The following DGKB variants were observed in gnomAD, a reference collection of about 807,000 sequenced individuals.
DGKB encodes the protein diacylglycerol kinase beta.
A neutral mutation model predicts 114.3 loss-of-function variants in DGKB; 67 were observed. The observed-to-expected ratio is 0.59, with a 90% CI of 0.48 to 0.72. The LOEUF (loss-of-function observed/expected upper bound fraction) is 0.72. Ranked by LOEUF, DGKB falls within the 30% of genes least tolerant of loss-of-function variation. The pLI is 0.00. For missense variants in DGKB, 907 were observed against 975.2 expected (o/e 0.93, Z 0.93); for synonymous variants, 398 against 323.1 (o/e 1.23, Z -2.49).
intron 2 of DGKB, among the ~76,000 whole-genome samples, chr7:14,802,624 C>T (rs1024152736): frequency 6.6e-6 from 1 of 152,026 alleles, no homozygotes; most frequent in Non-Finnish European, 1.5e-5. Flanking sequence ...AGAAATATTT[C>T]AAATATACAG....
chr7:14,789,401 T>C (rs1200111342), intron 2 of DGKB, among the ~76,000 whole-genome samples: 2 of 152,156 alleles, frequency 1.3e-5, no homozygotes, highest in African/African-American at 4.8e-5. Flanking sequence ...TGTGCATCCA[T>C]GTTGTTGCAT....
Position 14,823,184 on chromosome 7 carries a change from T to C in DGKB, c.70+18010A>G, listed in dbSNP as rs576165999. ...CAGTGAGATTTCTATATAAAATAAA[T>C]TAGGTAGGGTATACAATTAGGCAAA... On this transcript the variant is annotated intron_variant, in intron 2 of 25. Coordinates refer to ENST00000402815, the MANE Select transcript of DGKB (RefSeq NM_001350709.2). 2.2e-4 allele frequency among the ~76,000 whole-genome samples: 33 copies of C among 151,806 alleles called. No homozygotes were observed. In the South Asian group the frequency reaches 6.5e-3, roughly 30 times the overall value.
In DGKB at chr7:14,665,081, A is replaced by C. The variant is rs536122034; in HGVS notation, c.1134+7848T>G. On this transcript the variant is annotated intron_variant, in intron 13 of 25. Transcript: ENST00000402815. ...TTATGTATCATACAACTTCAACTTT[A>C]AATAATCAGCATATTAACACTATGT... Among the ~76,000 whole-genome samples the C allele has an allele frequency of 1.1e-4, 17 of 152,138 alleles. No individual in the cohort carries two copies. In the East Asian group the frequency reaches 3.3e-3, roughly 29 times the overall value.
chr7:14,814,547 A>G (rs1010464439), intron 2 of DGKB, among the ~76,000 whole-genome samples: 4 of 152,218 alleles, frequency 2.6e-5, no homozygotes, highest in Non-Finnish European at 5.9e-5. Flanking sequence ...AAAAATGAGT[A>G]ATCTTCAAGA....
intron 2 of DGKB, among the ~76,000 whole-genome samples, chr7:14,775,619 T>C (rs1838049347): frequency 6.6e-6 from 1 of 151,822 alleles, no homozygotes; most frequent in Non-Finnish European, 1.5e-5. Context: ...TGAGACCTGG[T>C]GGTTTTATAA....
rs552863977 is a variant in DGKB at position 14,676,935 on chromosome 7, C to A, written c.1036-3908G>T. Among the ~76,000 whole-genome samples the A allele has an allele frequency of 7.0e-4, 106 of 151,764 alleles. 1 individual carries two copies. The highest frequency in any genetic ancestry group is 2.4e-3 in the African/African-American group (99 of 41,388). On this transcript the variant is annotated intron_variant, in intron 12 of 25. Transcript: ENST00000402815. ...CAAGCCAAGGCATAGAAATCCTTAGCTCATTTTTAAATATACATCCAGAAA... is the reference window on the plus strand; with the variant it reads ...CAAGCCAAGGCATAGAAATCCTTAGATCATTTTTAAATATACATCCAGAAA...
intron 21 of DGKB, among the ~76,000 whole-genome samples, chr7:14,366,604 A>T (rs1314967719): frequency 2.0e-5 from 3 of 152,074 alleles, no homozygotes. Context: ...AATACATGAC[A>T]AAAAAATTGA....
intron 8 of DGKB, among the ~76,000 whole-genome samples, chr7:14,695,978 C>A (rs1328371272): frequency 1.3e-5 from 2 of 152,118 alleles, no homozygotes; most frequent in Admixed American, 6.5e-5. Flanking sequence ...GCAGACTTAT[C>A]AGTAACACAC....
intron 20 of DGKB, among the ~76,000 whole-genome samples, chr7:14,515,830 A>G (rs1788701943): frequency 6.6e-6 from 1 of 152,152 alleles, no homozygotes; most frequent in Non-Finnish European, 1.5e-5. Context: ...CCAAATTGCT[A>G]CTTTAGAAGA....
intron 20 of DGKB, among the ~76,000 whole-genome samples, chr7:14,550,575 C>A (rs1403654662): frequency 1.6e-4 from 25 of 152,212 alleles, no homozygotes; most frequent in Non-Finnish European, 8.8e-5. Flanking sequence ...TTAAAAATTT[C>A]TTTATGTCAC....
chr7:14,775,594 G>A (rs1229004378), intron 2 of DGKB, among the ~76,000 whole-genome samples: 1 of 151,960 alleles, frequency 6.6e-6, no homozygotes, highest in Non-Finnish European at 1.5e-5. Flanking sequence ...TTTTGTGATA[G>A]TGGGTGAGTT....
At chr7:14,885,800 G>T (rs563781204) in intron 1 of DGKB, among the ~76,000 whole-genome samples, 2 of 151,898 alleles carry the variant, frequency 1.3e-5, no homozygotes, top group South Asian at 4.2e-4. Context: ...ATGATTTAAT[G>T]AAAACCAGAC....
intron 20 of DGKB, among the ~76,000 whole-genome samples, chr7:14,535,210 A>G (rs543056771): frequency 2.0e-5 from 3 of 152,150 alleles, no homozygotes; most frequent in Admixed American, 1.3e-4. Context: ...TCAACAAAAA[A>G]ACAAAATAAT....
intron 21 of DGKB, among the ~76,000 whole-genome samples, chr7:14,438,526 C>A (rs1016679046): frequency 6.6e-6 from 1 of 152,102 alleles, no homozygotes; most frequent in African/African-American, 2.4e-5. Context: ...AGCCCCTATA[C>A]AGTTAACACA....
chr7:14,261,992 G>A (rs747013157), intron 23 of DGKB, among the ~76,000 whole-genome samples: 42 of 152,142 alleles, frequency 2.8e-4, no homozygotes, highest in Non-Finnish European at 5.4e-4. Context: ...TGTGCTATAC[G>A]CACTGCAGAA....
At chr7:14,689,196 C>CTTATTTTTTTTT (rs1822287391) in intron 9 of DGKB, among the ~76,000 whole-genome samples, 1 of 80,300 alleles carries the variant, frequency 1.2e-5, no homozygotes, top group African/African-American at 4.9e-5. Context: ...AGAAACTCCT[C>CTTATTTTTTTTT]TTATTTTTTT....
At chr7:14,691,460 A>C (rs1822850320) in intron 9 of DGKB, among the ~76,000 whole-genome samples, 1 of 152,190 alleles carries the variant, frequency 6.6e-6, no homozygotes, top group African/African-American at 2.4e-5. Flanking sequence ...ACAGGTAATA[A>C]TGTAACACAT....
chr7:14,860,652 T>C (rs989124201), intron 1 of DGKB, among the ~76,000 whole-genome samples: 2 of 151,852 alleles, frequency 1.3e-5, no homozygotes, highest in Non-Finnish European at 2.9e-5. Flanking sequence ...AAATTTTAAT[T>C]AGATGATTTT....
chr7:14,235,878 A>G (rs1482269616), intron 23 of DGKB, among the ~76,000 whole-genome samples: 1 of 152,070 alleles, frequency 6.6e-6, no homozygotes, highest in Non-Finnish European at 1.5e-5. Flanking sequence ...AGGCATAAAT[A>G]ATGGACCACC....
Sources: allele counts gnomAD v4.1 joint callset (sites outside exome capture counted in the v4.1 genomes callset), GRCh38; gene constraint gnomAD v4.1.1; transcripts MANE v1.5; gene names NCBI Gene and HGNC (gene_info 2026-07-23, HGNC 2026-07-21).